Variants in SYNE1 observed in about 807,000 individuals in gnomAD.
SYNE1 encodes spectrin repeat containing nuclear envelope protein 1.
Under a neutral mutation model 1,111.0 loss-of-function variants are expected in SYNE1, and 616 were observed. That is an observed-to-expected ratio of 0.55 (90% CI 0.52 to 0.59). The LOEUF (loss-of-function observed/expected upper bound fraction) is 0.59, where lower values mean the gene tolerates loss of function less well. Among genes scored for constraint, SYNE1 ranks in the 20% least tolerant of loss-of-function variants. The pLI is 0.00. For synonymous variants in SYNE1, 3,855 were observed against 3,825.8 expected, an observed-to-expected ratio of 1.01 and a Z score of -0.28; for missense variants, 10,006 against 10,417.0, an observed-to-expected ratio of 0.96 and a Z score of 1.72.
chr6:152,181,639 A>G (rs2068112318), intron 128 of SYNE1, among the ~76,000 whole-genome samples: 1 of 152,228 alleles, frequency 6.6e-6, no homozygotes, highest in African/African-American at 2.4e-5. Flanking sequence ...ATGTATCAAT[A>G]CTTCATTCCC....
chr6:152,582,188 A>G (rs2099522239), intron 3 of SYNE1, among the ~76,000 whole-genome samples: 1 of 152,078 alleles, frequency 6.6e-6, no homozygotes, highest in African/African-American at 2.4e-5. Flanking sequence ...AGTTAGCCTG[A>G]CACTCTGAAT....
At position 152,329,866 on chromosome 6, in the gene SYNE1, A is replaced by C; in HGVS notation, c.14819T>G (p.Ile4940Ser). The change falls in exon 78 of 146, where the codon ATC (isoleucine) becomes AGC (serine). Residue 4940 changes from isoleucine to serine, a missense_variant. Ile to Ser is a moderately radical substitution (Grantham distance 142). Coordinates refer to ENST00000367255, the MANE Select transcript of SYNE1 (RefSeq NM_182961.4). ...HQEEVQSSLR[I>S]MNALSHKEKE... ...TTCCTTGTGACTCAGCGCATTCATGATTCTCAAGCTGGACTGGACCTCTTC... is the reference window on the plus strand; with the variant it reads ...TTCCTTGTGACTCAGCGCATTCATGCTTCTCAAGCTGGACTGGACCTCTTC... 6.2e-7 allele frequency: 1 copy of C among 1,614,064 alleles called. No individual in the cohort carries two copies. The highest frequency in any genetic ancestry group is 8.5e-7 in the Non-Finnish European group (1 of 1,180,010).
chr6:152,223,959 T>C (rs577602877), intron 117 of SYNE1, among the ~76,000 whole-genome samples: 7 of 152,236 alleles, frequency 4.6e-5, no homozygotes, highest in Admixed American at 2.6e-4. Flanking sequence ...ATCAGGGATA[T>C]CATTTTACAT....
At chr6:152,277,650 A>G (rs983989661) in intron 98 of SYNE1, 3 of 221,440 alleles carry the variant, frequency 1.4e-5, no homozygotes, top group African/African-American at 4.6e-5. Context: ...TAAACTTATT[A>G]TTTTTCTGAT....
intron 5 of SYNE1, among the ~76,000 whole-genome samples, chr6:152,522,436 A>T (rs1475748431): frequency 6.6e-6 from 1 of 152,060 alleles, no homozygotes; most frequent in African/African-American, 2.4e-5. Context: ...TATATATATC[A>T]CGTTTTCTTT....
chr6:152,490,925 C>A (rs115781653), intron 11 of SYNE1, among the ~76,000 whole-genome samples: 2 of 152,180 alleles, frequency 1.3e-5, no homozygotes, highest in Admixed American at 6.5e-5. Flanking sequence ...TCTCTCGCTA[C>A]CTTTCAATCT....
intron 77 of SYNE1, among the ~76,000 whole-genome samples, chr6:152,332,808 TA>T (rs892039307): frequency 6.6e-6 from 1 of 152,174 alleles, no homozygotes; most frequent in African/African-American, 2.4e-5. Flanking sequence ...GAAGCACACA[TA>T]AAAAATGGAA....
intron 107 of SYNE1, among the ~76,000 whole-genome samples, chr6:152,241,337 AC>A (rs1404444307): frequency 6.7e-6 from 1 of 149,856 alleles, no homozygotes. Context: ...AAAAAAACCC[AC>A]CTTTACAAGC....
At chr6:152,145,455 G>A (rs1238945876) in intron 137 of SYNE1, 1 of 1,605,286 alleles carries the variant, frequency 6.2e-7, no homozygotes, top group Non-Finnish European at 8.5e-7. Context: ...ACAGGGGAGG[G>A]AGGGAGGCTG....
intron 73 of SYNE1, among the ~76,000 whole-genome samples, chr6:152,346,459 GC>G (rs2096633523): frequency 6.6e-6 from 1 of 152,076 alleles, no homozygotes; most frequent in South Asian, 2.1e-4. Flanking sequence ...GAGCCACCAT[GC>G]CCGGCCCAAA....
In SYNE1 at chr6:152,213,604, C is replaced by T; in HGVS notation, c.22494+8G>A. 1 of 1,614,042 alleles carries T rather than the reference C, an allele frequency of 6.2e-7. No homozygotes were observed. Among genetic ancestry groups the T allele is most frequent in the East Asian group, 2.2e-5 (1 of 44,864 alleles). ...CTTATTACCCCCAAATCTACTGATA[C>T]AACTTACCTCGTGTGCTCTCTGCTG... On this transcript the variant is annotated splice_region_variant and intron_variant, in intron 123 of 145. Coordinates refer to ENST00000367255, the MANE Select transcript of SYNE1 (RefSeq NM_182961.4).
chr6:152,488,645 A>T, intron 11 of SYNE1, 142 bp from the exon 12 acceptor site: 1 of 538,190 alleles, frequency 1.9e-6, no homozygotes. Flanking sequence ...CCTTACCCCC[A>T]CCTTTAGGAC....
intron 127 of SYNE1, among the ~76,000 whole-genome samples, chr6:152,196,441 A>C (rs2763020): frequency 0.67 from 101,109 of 151,760 alleles, 33,722 homozygotes; most frequent in Admixed American, 0.73. Context: ...ACAGTGTGTA[A>C]TACCTGGTTA....
chr6:152,577,620 G>A (rs748922761), intron 3 of SYNE1, among the ~76,000 whole-genome samples: 9 of 152,146 alleles, frequency 5.9e-5, no homozygotes, highest in South Asian at 4.2e-4. Context: ...GGGACAGAGC[G>A]AGACTCCATC....
rs537825329 is a variant in SYNE1 at position 152,323,487 on chromosome 6, C to T, written c.15908G>A (p.Arg5303Gln). ...GTAGGTGCTTAATTACTTCAGGCAC[C>T]GATCTTGCATGGCGGTGATTTCCTG... Reference protein sequence around the residue: ...LMQEITAMQDRCLNMQEKVKT... With the variant: ...LMQEITAMQDQCLNMQEKVKT... Residue 5303 changes from arginine to glutamine, a missense_variant, in exon 82 of 146, where the codon CGG (arginine) becomes CAG (glutamine). Physicochemically the swap from Arg to Gln is conservative, Grantham distance 43. Coordinates refer to ENST00000367255, the MANE Select transcript of SYNE1 (RefSeq NM_182961.4). 6.2e-7 allele frequency: 1 copy of T among 1,613,730 alleles called. No individual in the cohort carries two copies. Among genetic ancestry groups the T allele is most frequent in the African/African-American group, 1.3e-5 (1 of 75,060 alleles).
chr6:152,122,822 C>T, intron 145 of SYNE1, 146 bp from the exon 146 acceptor site: 2 of 1,185,620 alleles, frequency 1.7e-6, no homozygotes, highest in South Asian at 1.3e-5. Flanking sequence ...CACAGTGTGC[C>T]CAGGTCACCC....
intron 36 of SYNE1, 87 bp downstream of exon 36, chr6:152,430,025 T>C (rs1322398673): frequency 3.7e-5 from 34 of 921,922 alleles, no homozygotes; most frequent in Non-Finnish European, 5.0e-5. Flanking sequence ...TTCAATTCTC[T>C]TAAAAAGTTT....
intron 62 of SYNE1, among the ~76,000 whole-genome samples, chr6:152,366,332 A>G (rs1339959493): frequency 6.6e-6 from 1 of 151,966 alleles, no homozygotes; most frequent in Non-Finnish European, 1.5e-5. Flanking sequence ...AACTCCGTCT[A>G]AAATAAAACA....
rs573104269 is a variant in SYNE1 at position 152,487,645 on chromosome 6, C to T, written c.1047+751G>A. On this transcript the variant is annotated intron_variant, in intron 12 of 145. Transcript: ENST00000367255. Reference sequence around the variant, plus strand: ...GGTGTTGGACTAGGCAGGTCGCAGTCGAAACTGATCCCTTTAATGGACCCT... The same window carrying T: ...GGTGTTGGACTAGGCAGGTCGCAGTTGAAACTGATCCCTTTAATGGACCCT... 4.6e-5 allele frequency among the ~76,000 whole-genome samples: 7 copies of T among 152,242 alleles called. No individual in the cohort carries two copies. The South Asian group carries it at 1.0e-3, about 23-fold the overall frequency.
Sources: allele counts gnomAD v4.1 joint callset (sites outside exome capture counted in the v4.1 genomes callset), GRCh38; gene constraint gnomAD v4.1.1; transcripts MANE v1.5; gene names NCBI Gene and HGNC (gene_info 2026-07-23, HGNC 2026-07-21).